The following TJP1 variants were observed in gnomAD, a reference collection of about 807,000 sequenced individuals.
TJP1 encodes tight junction protein 1.
In TJP1, 43 loss-of-function variants were observed where a neutral mutation model predicts 194.2. That is an observed-to-expected ratio of 0.22 (90% CI 0.17 to 0.29). The LOEUF (loss-of-function observed/expected upper bound fraction) is 0.29, where lower values mean the gene tolerates loss of function less well. Ranked by LOEUF, TJP1 falls within the 10% of genes least tolerant of loss-of-function variation. The pLI is 1.00. For synonymous variants in TJP1, 801 were observed against 779.0 expected (o/e 1.03, Z -0.47); for missense variants, 1,971 against 2,185.7 (o/e 0.90, Z 1.96).
Position 29,716,598 on chromosome 15 carries a change from TG to T in TJP1, c.4202+12del, listed in dbSNP as rs2042578170. On this transcript the variant is annotated intron_variant, in intron 23 of 27. Coordinates refer to ENST00000614355, the MANE Select transcript of TJP1 (RefSeq NM_001330239.4). ...CTGCATCCTATTTTTAAAAGCCAGG[TG>T]AAATAGCTTACTTTGAAGAATAACT... is the stretch of plus-strand genomic sequence containing the variant. 3 of 1,591,508 alleles carry T rather than the reference TG, an allele frequency of 1.9e-6. No homozygotes were observed. The highest frequency in any genetic ancestry group is 2.2e-5 in the South Asian group (2 of 90,356).
At position 29,719,758 on chromosome 15, in the gene TJP1, A is replaced by G; in HGVS notation, c.3003+19T>C. ...TTGATGGACAGCAACAAATTAGTGC[A>G]ACACCGCAGCACAGGTACCTTTGTT... On this transcript the variant is annotated intron_variant, in intron 20 of 27. Coordinates refer to ENST00000614355, the MANE Select transcript of TJP1 (RefSeq NM_001330239.4). 4 of 1,600,666 alleles carry G rather than the reference A, an allele frequency of 2.5e-6. No individual in the cohort carries two copies. The South Asian group carries it at 4.5e-5, about 18-fold the overall frequency.
intron 2 of TJP1, among the ~76,000 whole-genome samples, chr15:29,934,265 T>G (rs1461284364): frequency 6.6e-6 from 1 of 152,220 alleles, no homozygotes; most frequent in Non-Finnish European, 1.5e-5. Flanking sequence ...TCAATAAATA[T>G]TGGTTCATGC....
chr15:29,720,847 G>A, intron 18 of TJP1, 139 bp from the exon 19 acceptor site: 1 of 689,724 alleles, frequency 1.4e-6, no homozygotes, highest in South Asian at 2.0e-5. Context: ...GTAAGGAAAA[G>A]TCAAGAAGAT....
intron 2 of TJP1, among the ~76,000 whole-genome samples, chr15:29,776,403 T>C (rs1595857504): frequency 6.6e-6 from 1 of 152,306 alleles, no homozygotes; most frequent in South Asian, 2.1e-4. Context: ...TTTGTTAAAG[T>C]ACACAAAGAA....
Position 29,728,003 on chromosome 15 carries a change from G to A in TJP1, c.2034C>T (p.Asp678=), listed in dbSNP as rs773537170. 25 of 1,613,892 alleles carry A rather than the reference G, an allele frequency of 1.5e-5. No homozygotes were observed. Among genetic ancestry groups the A allele is most frequent in the Admixed American group, 5.0e-5 (3 of 59,998 alleles). ...IYQIAKSEPR[D]AGTDQRSSGI... ...CAGAGCTACGTTGGTCAGTTCCAGC[G>A]TCTCGTGGTTCACTCTCTATTCATT... The change falls in exon 16 of 28, where the codon GAC becomes GAT. Residue 678 remains aspartate, a synonymous_variant. Transcript: ENST00000614355.
At chr15:29,786,040 G>T (rs1455879323) in intron 2 of TJP1, among the ~76,000 whole-genome samples, 1 of 152,190 alleles carries the variant, frequency 6.6e-6, no homozygotes, top group East Asian at 1.9e-4. Context: ...TTCAAAATTA[G>T]TTAGTGGTAA....
chr15:29,873,882 T>G (rs2052609381), intron 2 of TJP1, among the ~76,000 whole-genome samples: 2 of 152,192 alleles, frequency 1.3e-5, no homozygotes, highest in Admixed American at 1.3e-4. Flanking sequence ...GATCATTATT[T>G]TGCATTTTGC....
intron 2 of TJP1, among the ~76,000 whole-genome samples, chr15:29,938,022 C>A (rs2054940686): frequency 1.3e-5 from 2 of 152,224 alleles, no homozygotes; most frequent in South Asian, 4.1e-4. Context: ...AGTCCATCTT[C>A]AACATTCTGC....
intron 2 of TJP1, among the ~76,000 whole-genome samples, chr15:29,954,420 C>T (rs967909958): frequency 1.2e-4 from 18 of 152,018 alleles, no homozygotes; most frequent in African/African-American, 4.1e-4. Context: ...CAATGTTTTG[C>T]ACAATAGAAA....
chr15:29,893,263 G>A (rs532745893), intron 2 of TJP1, among the ~76,000 whole-genome samples: 6 of 152,302 alleles, frequency 3.9e-5, no homozygotes, highest in South Asian at 4.2e-4. Flanking sequence ...GCTGCTTCAC[G>A]TAGATGAGCA....
At chr15:29,756,221 C>T (rs1054599610) in intron 8 of TJP1, among the ~76,000 whole-genome samples, 14 of 152,178 alleles carry the variant, frequency 9.2e-5, no homozygotes, top group African/African-American at 3.4e-4. Context: ...CCAGCTCCTA[C>T]AGCCCAAGTC....
chr15:29,713,480 A>G (rs934744299), intron 23 of TJP1, among the ~76,000 whole-genome samples: 1 of 152,194 alleles, frequency 6.6e-6, no homozygotes, highest in Admixed American at 6.5e-5. Flanking sequence ...AATTCTCACC[A>G]TTTCTGAGGT....
intron 2 of TJP1, among the ~76,000 whole-genome samples, chr15:29,778,353 C>CA (rs1243324965): frequency 1.3e-5 from 2 of 151,988 alleles, no homozygotes. Context: ...AAATAGCCCC[C>CA]AGGTGATTCT....
chr15:29,762,869 G>A (rs2046096168), intron 5 of TJP1, among the ~76,000 whole-genome samples: 1 of 152,068 alleles, frequency 6.6e-6, no homozygotes. Context: ...AGAGTAGCTG[G>A]GACTAACAGA....
chr15:29,793,523 C>G (rs1371389363), intron 2 of TJP1, among the ~76,000 whole-genome samples: 2 of 152,286 alleles, frequency 1.3e-5, no homozygotes, highest in East Asian at 3.9e-4. Context: ...GCAAGCATGA[C>G]AGCATCTGCT....
At chr15:29,917,857 G>A (rs2054234557) in intron 2 of TJP1, among the ~76,000 whole-genome samples, 1 of 152,132 alleles carries the variant, frequency 6.6e-6, no homozygotes, top group African/African-American at 2.4e-5. Flanking sequence ...TACCATGTTA[G>A]CCATTTTAAA....
intron 20 of TJP1, 107 bp from the exon 21 acceptor site, chr15:29,719,245 ATGTTT>A: frequency 1.3e-5 from 17 of 1,278,524 alleles, no homozygotes; most frequent in Non-Finnish European, 1.7e-5. Context: ...TGAAAATGGT[ATGTTT>A]TACCATTTAT....
Position 29,937,351 on chromosome 15 carries a change from A to AGTGGGCAT in TJP1, c.306+18880_306+18881insATGCCCAC, listed in dbSNP as rs539759917. 5.1e-4 allele frequency among the ~76,000 whole-genome samples: 77 copies of AGTGGGCAT among 152,348 alleles called. 1 individual carries two copies. In the East Asian group the frequency reaches 0.015, roughly 29 times the overall value. ...TATTGGGTAAAGTCTTGGCTTTCTC[A>AGTGGGCAT]TTTTATATCATTTAAACAAAGGAAC... is the stretch of plus-strand genomic sequence containing the variant. On this transcript the variant is annotated intron_variant, in intron 2 of 28. Transcript: ENST00000356107.
At chr15:29,870,487 C>T (rs1026376933) in intron 2 of TJP1, among the ~76,000 whole-genome samples, 5 of 152,144 alleles carry the variant, frequency 3.3e-5, no homozygotes, top group African/African-American at 9.7e-5. Flanking sequence ...TTTGATGAAA[C>T]CGAAAACTCT....
Sources: gnomAD v4.1 joint callset for allele counts (sites outside exome capture counted in the v4.1 genomes callset) on GRCh38, gnomAD v4.1.1 for gene constraint, MANE v1.5 for transcripts, NCBI Gene and HGNC (gene_info 2026-07-23, HGNC 2026-07-21) for gene names.